Variants in TEAD1 observed in about 807,000 individuals in gnomAD.
TEAD1 encodes TEA domain transcription factor 1, also known as transcriptional enhancer factor TEF-1.
A neutral mutation model predicts 54.9 loss-of-function variants in TEAD1; 9 were observed. That is an observed-to-expected ratio of 0.16 (90% CI 0.10 to 0.29). The LOEUF is 0.29. Ranked by LOEUF, TEAD1 falls within the 10% of genes least tolerant of loss-of-function variation. TEAD1 has a pLI of 1.00. For synonymous variants in TEAD1, 200 were observed against 187.8 expected, an observed-to-expected ratio of 1.07 and a Z score of -0.53; for missense variants, 387 against 535.9, an observed-to-expected ratio of 0.72 and a Z score of 2.74.
chr11:12,900,829 T>G (rs536829468), intron 9 of TEAD1, among the ~76,000 whole-genome samples: 23 of 152,302 alleles, frequency 1.5e-4, no homozygotes, highest in South Asian at 4.1e-4. Context: ...CTTGGACTGC[T>G]AGATAAAGAA....
chr11:12,861,922 G>C (rs984005966), intron 3 of TEAD1, among the ~76,000 whole-genome samples: 3 of 151,780 alleles, frequency 2.0e-5, no homozygotes, highest in Non-Finnish European at 4.4e-5. Flanking sequence ...GGAGGCAGAG[G>C]TTGCCATGAG....
chr11:12,923,711 G>T (rs985919939), intron 10 of TEAD1, among the ~76,000 whole-genome samples: 1 of 152,146 alleles, frequency 6.6e-6, no homozygotes, highest in African/African-American at 2.4e-5. Flanking sequence ...GATCGAATCT[G>T]TAGCATCTGG....
rs1241873855 is a variant in TEAD1 at position 12,674,812 on chromosome 11, C to G, written c.-230C>G. 3 of 150,912 alleles carry G rather than the reference C, an allele frequency of 2.0e-5. No individual in the cohort carries two copies. Among genetic ancestry groups the G allele is most frequent in the Non-Finnish European group, 3.0e-5 (2 of 67,604 alleles). 9.3% of individuals were successfully genotyped at this position (150,912 alleles called of 1,614,324 possible). The stretch of plus-strand genomic sequence containing the variant: ...AAGTTTGCCTCGGACTCGCCGGGCG[C>G]TGCGGTGGCTCCCTGGGCCGAGGTA... On this transcript the variant is annotated 5_prime_UTR_variant, in exon 1 of 13. Coordinates refer to ENST00000527636, the MANE Select transcript of TEAD1 (RefSeq NM_021961.6).
chr11:12,732,633 A>G (rs1170724202), intron 2 of TEAD1, among the ~76,000 whole-genome samples: 1 of 152,162 alleles, frequency 6.6e-6, no homozygotes, highest in Non-Finnish European at 1.5e-5. Flanking sequence ...GGCTTGAGCT[A>G]ATTCTTCAGA....
intron 3 of TEAD1, among the ~76,000 whole-genome samples, chr11:12,769,602 G>A (rs892760865): frequency 2.4e-4 from 36 of 152,142 alleles, no homozygotes; most frequent in Admixed American, 6.5e-4. Context: ...AGGCCCCAGA[G>A]CCCTGGTGTG....
chr11:12,874,843 C>T (rs2134087203), intron 5 of TEAD1, among the ~76,000 whole-genome samples: 1 of 152,184 alleles, frequency 6.6e-6, no homozygotes, highest in East Asian at 1.9e-4. Flanking sequence ...AGGGAGATTT[C>T]CCTTTTCTTT....
At chr11:12,834,867 T>C (rs10831912) in intron 3 of TEAD1, among the ~76,000 whole-genome samples, 82,422 of 151,858 alleles carry the variant, frequency 0.54, 24,204 homozygotes, top group East Asian at 0.76. Flanking sequence ...TCCTCCTGCC[T>C]TGGCCTCCCA....
intron 2 of TEAD1, among the ~76,000 whole-genome samples, chr11:12,705,240 A>G (rs1424345191): frequency 1.3e-5 from 2 of 152,264 alleles, no homozygotes; most frequent in African/African-American, 2.4e-5. Flanking sequence ...ACCATCTCCC[A>G]TTTTTCCAGA....
intron 3 of TEAD1, among the ~76,000 whole-genome samples, chr11:12,791,009 A>G (rs1361693422): frequency 4.6e-5 from 7 of 152,270 alleles, no homozygotes; most frequent in Admixed American, 3.3e-4. Flanking sequence ...CCCAAGAGAA[A>G]TGAAAACATA....
chr11:12,756,178 T>A (rs1466340386), intron 2 of TEAD1, among the ~76,000 whole-genome samples: 1 of 152,184 alleles, frequency 6.6e-6, no homozygotes, highest in Non-Finnish European at 1.5e-5. Flanking sequence ...GGGATTCTGT[T>A]GACACGGAAG....
chr11:12,762,645 G>A (rs562671984), intron 2 of TEAD1, among the ~76,000 whole-genome samples: 8 of 152,128 alleles, frequency 5.3e-5, no homozygotes, highest in African/African-American at 1.7e-4. Flanking sequence ...TTAAATCCAG[G>A]TGCTGCCAAG....
intron 2 of TEAD1, among the ~76,000 whole-genome samples, chr11:12,678,922 A>G (rs1337340571): frequency 6.6e-6 from 1 of 152,192 alleles, no homozygotes. Flanking sequence ...ATTTTAGTCA[A>G]AGTAAAAATG....
At chr11:12,908,981 T>G (rs1198338220) in intron 10 of TEAD1, among the ~76,000 whole-genome samples, 1 of 151,566 alleles carries the variant, frequency 6.6e-6, no homozygotes, top group African/African-American at 2.4e-5. Flanking sequence ...CCATGTTGCT[T>G]TCTAAAATAG....
intron 4 of TEAD1, chr11:12,864,541 T>A (rs575932972): frequency 1.9e-6 from 1 of 522,770 alleles, no homozygotes; most frequent in Non-Finnish European, 3.2e-6. Flanking sequence ...CAGAGCTTTG[T>A]TGAGATGCAA....
At position 12,879,839 on chromosome 11, in the gene TEAD1, G is replaced by T. The variant is rs752862372; in HGVS notation, c.462G>T (p.Pro154=). 3.3e-5 allele frequency: 53 copies of T among 1,613,102 alleles called. No individual in the cohort carries two copies. Among genetic ancestry groups the T allele is most frequent in the Non-Finnish European group, 4.2e-5 (50 of 1,180,028 alleles). Reference sequence around the variant, plus strand: ...CACGCCCGACCTTCCCAGGGGCGCCGGGGGTAAGTCATGAGCTCAGTCCAG... The same window carrying T: ...CACGCCCGACCTTCCCAGGGGCGCCTGGGGTAAGTCATGAGCTCAGTCCAG... The change falls in exon 6 of 13, where the codon CCG becomes CCT. Residue 154 remains proline, a synonymous_variant. Coordinates refer to ENST00000527636, the MANE Select transcript of TEAD1 (RefSeq NM_021961.6).
At chr11:12,798,353 C>A (rs1424313060) in intron 3 of TEAD1, among the ~76,000 whole-genome samples, 1 of 152,158 alleles carries the variant, frequency 6.6e-6, no homozygotes, top group Non-Finnish European at 1.5e-5. Flanking sequence ...TTTCTAACAT[C>A]TTTTCATAAA....
At chr11:12,835,270 A>ATG (rs537669289) in intron 3 of TEAD1, among the ~76,000 whole-genome samples, 46 of 152,240 alleles carry the variant, frequency 3.0e-4, no homozygotes, top group African/African-American at 1.1e-3. Context: ...TTATTACCCA[A>ATG]TGTAGGTCTA....
rs141156377 is a variant in TEAD1, at chr11:12,914,087, C to T, written c.874-10825C>T. On this transcript the variant is annotated intron_variant, in intron 10 of 12. Coordinates refer to ENST00000527636, the MANE Select transcript of TEAD1 (RefSeq NM_021961.6). ...TCATCCTAGCCACTATGTGAAGTTGCCACTAGTGGTCACCTGAAGTTGTGT... is the reference window on the plus strand; with the variant it reads ...TCATCCTAGCCACTATGTGAAGTTGTCACTAGTGGTCACCTGAAGTTGTGT... 4.7e-4 allele frequency among the ~76,000 whole-genome samples: 71 copies of T among 152,296 alleles called. No homozygotes were observed. In the East Asian group the frequency reaches 8.1e-3, roughly 17 times the overall value.
intron 2 of TEAD1, among the ~76,000 whole-genome samples, chr11:12,743,676 G>A (rs1944690390): frequency 6.6e-6 from 1 of 152,186 alleles, no homozygotes; most frequent in Non-Finnish European, 1.5e-5. Context: ...AAGAAATAGT[G>A]TTGAAGTGAT....
Sources: gnomAD v4.1 joint callset for allele counts (sites outside exome capture counted in the v4.1 genomes callset) on GRCh38, gnomAD v4.1.1 for gene constraint, MANE v1.5 for transcripts, NCBI Gene and HGNC (gene_info 2026-07-23, HGNC 2026-07-21) for gene names.